The following EPS15 variants were observed in gnomAD, a reference collection of about 807,000 sequenced individuals.
EPS15 encodes the protein epidermal growth factor receptor pathway substrate 15.
A neutral mutation model predicts 113.8 loss-of-function variants in EPS15; 72 were observed. That is an observed-to-expected ratio of 0.63 (90% confidence interval 0.52 to 0.77). The LOEUF (loss-of-function observed/expected upper bound fraction) is 0.77, where lower values mean the gene tolerates loss of function less well. Ranked by LOEUF, EPS15 falls within the 30% of genes least tolerant of loss-of-function variation. The pLI is 0.00. For synonymous variants in EPS15, 344 were observed against 363.4 expected (o/e 0.95, Z 0.61); for missense variants, 1,048 against 1,045.8 (o/e 1.00, Z -0.03).
chr1:51,483,763 G>C (rs1047430487), intron 1 of EPS15, among the ~76,000 whole-genome samples: 2 of 151,172 alleles, frequency 1.3e-5, no homozygotes, highest in African/African-American at 4.9e-5. Context: ...CTGAAATCAC[G>C]CCACTGCACT....
chr1:51,499,031 C>T (rs756343017), intron 1 of EPS15, among the ~76,000 whole-genome samples: 3 of 152,158 alleles, frequency 2.0e-5, no homozygotes, highest in Admixed American at 1.3e-4. Flanking sequence ...ATCCCTTTTA[C>T]GCCCTTCTAC....
chr1:51,486,591 G>T (rs185662068), intron 1 of EPS15, among the ~76,000 whole-genome samples: 1 of 152,250 alleles, frequency 6.6e-6, no homozygotes, highest in African/African-American at 2.4e-5. Context: ...TATAAAAAAT[G>T]AAAAGTAAAA....
intron 2 of EPS15, among the ~76,000 whole-genome samples, chr1:51,474,260 C>T (rs1381692382): frequency 1.3e-5 from 2 of 152,234 alleles, no homozygotes; most frequent in African/African-American, 4.8e-5. Flanking sequence ...ATATCTTCAA[C>T]AAAGAGTCTT....
At chr1:51,423,461 A>G (rs1488787297) in intron 12 of EPS15, 1 of 985,350 alleles carries the variant, frequency 1.0e-6, no homozygotes, top group Admixed American at 6.1e-5. Flanking sequence ...TTATGTGAGC[A>G]GATGAATGTT....
intron 12 of EPS15, chr1:51,423,764 G>A: frequency 1.0e-6 from 1 of 982,120 alleles, no homozygotes; most frequent in Non-Finnish European, 1.2e-6. Flanking sequence ...CTGACTCAAA[G>A]TAGCCAAGGC....
intron 13 of EPS15, among the ~76,000 whole-genome samples, chr1:51,411,554 A>T (rs1649726625): frequency 6.6e-6 from 1 of 152,194 alleles, no homozygotes; most frequent in South Asian, 2.1e-4. Flanking sequence ...AGGAGAAGAA[A>T]TTTTAAATGA....
chr1:51,431,066 A>C (rs1651696319), intron 12 of EPS15, among the ~76,000 whole-genome samples: 1 of 151,934 alleles, frequency 6.6e-6, no homozygotes, highest in Non-Finnish European at 1.5e-5. Context: ...TCTTTATGTG[A>C]TACAATTTCA....
At chr1:51,364,116 T>C (rs375048919) in intron 22 of EPS15, 88 bp from the exon 23 acceptor site, 5 of 1,008,954 alleles carry the variant, frequency 5.0e-6, no homozygotes, top group Admixed American at 6.1e-5. Context: ...TTCAGTATTA[T>C]ACAGTTTTAT....
chr1:51,398,384 C>CA (rs1172720817), intron 20 of EPS15, among the ~76,000 whole-genome samples: 1 of 152,186 alleles, frequency 6.6e-6, no homozygotes, highest in Non-Finnish European at 1.5e-5. Flanking sequence ...CCAGATAAAA[C>CA]AGCAACTAGC....
chr1:51,443,268 T>C (rs1048230431), intron 11 of EPS15, among the ~76,000 whole-genome samples: 2 of 151,398 alleles, frequency 1.3e-5, no homozygotes, highest in African/African-American at 4.9e-5. Context: ...TTTGTGTTGG[T>C]AGGCAATTGA....
intron 9 of EPS15, among the ~76,000 whole-genome samples, chr1:51,447,560 GA>G (rs371953844): frequency 2.1e-5 from 3 of 143,564 alleles, no homozygotes; most frequent in Admixed American, 1.4e-4. Context: ...GCTGGGGGCA[GA>G]AAAAAAAAAG....
At chr1:51,473,614 A>C (rs962881071) in intron 2 of EPS15, among the ~76,000 whole-genome samples, 2 of 152,142 alleles carry the variant, frequency 1.3e-5, no homozygotes, top group African/African-American at 4.8e-5. Flanking sequence ...ACAACAACAA[A>C]AACAGGAAAA....
chr1:51,493,480 G>A (rs1340587955), intron 1 of EPS15, among the ~76,000 whole-genome samples: 4 of 150,538 alleles, frequency 2.7e-5, no homozygotes, highest in African/African-American at 7.3e-5. Context: ...AGCCGAGATC[G>A]CACCACTGCA....
chr1:51,465,247 C>G lies in EPS15; in HGVS notation c.375+14G>C. ...CAATGAAGGGGTGAGAGAATAGTTA[C>G]AAAGTTTACTTACTTTTACAGCCCA... On this transcript the variant is annotated intron_variant, in intron 6 of 24. Transcript: ENST00000371733. 1.3e-6 allele frequency: 2 copies of G among 1,570,450 alleles called. No homozygotes were observed. Among genetic ancestry groups the G allele is most frequent in the Non-Finnish European group, 1.7e-6 (2 of 1,143,958 alleles).
At chr1:51,389,651 C>A (rs1447003561) in intron 21 of EPS15, among the ~76,000 whole-genome samples, 2 of 152,260 alleles carry the variant, frequency 1.3e-5, no homozygotes, top group Non-Finnish European at 2.9e-5. Context: ...GTATAAAAAT[C>A]ACAAGCATTC....
intron 12 of EPS15, among the ~76,000 whole-genome samples, chr1:51,437,515 CAA>C (rs1326931739): frequency 1.3e-3 from 185 of 137,702 alleles, no homozygotes; most frequent in African/African-American, 4.8e-3. Flanking sequence ...TTTTTTGAGA[CAA>C]GAGTCTCACT....
chr1:51,386,043 T>C (rs1463328512), intron 21 of EPS15, among the ~76,000 whole-genome samples: 1 of 152,234 alleles, frequency 6.6e-6, no homozygotes, highest in East Asian at 1.9e-4. Context: ...CTTTATGTTA[T>C]GTATATTTTA....
chr1:51,508,302 G>A (rs1294880787), intron 1 of EPS15, among the ~76,000 whole-genome samples: 1 of 129,532 alleles, frequency 7.7e-6, no homozygotes, highest in Non-Finnish European at 1.6e-5. Context: ...GAGAGAGAGA[G>A]AAAGAGAGAA....
Position 51,360,605 on chromosome 1 carries a change from C to T in EPS15, c.2544+566G>A, listed in dbSNP as rs1409253572. ...ATAAAGATTGTTTAAATCCTGACAA[C>T]CATTTATTTATTTATTTCATAAAAC... On this transcript the variant is annotated intron_variant, in intron 24 of 24. Transcript: ENST00000371733. Among the ~76,000 whole-genome samples, 6 of 152,128 alleles carry T rather than the reference C, an allele frequency of 3.9e-5. No individual in the cohort carries two copies. The East Asian group carries it at 1.2e-3, about 29-fold the overall frequency.
Sources: allele counts gnomAD v4.1 joint callset (sites outside exome capture counted in the v4.1 genomes callset), GRCh38; gene constraint gnomAD v4.1.1; transcripts MANE v1.5; gene names NCBI Gene and HGNC (gene_info 2026-07-23, HGNC 2026-07-21).